GPR89B: variants seen among roughly 807,000 people sequenced by gnomAD.
GPR89B encodes the protein golgi pH regulator B, also known as G protein-coupled receptor 89B.
Under a neutral mutation model 52.4 loss-of-function variants are expected in GPR89B, and 25 were observed. That is an observed-to-expected ratio of 0.48 (90% CI 0.35 to 0.67). GPR89B has a LOEUF of 0.67. Ranked by LOEUF, GPR89B falls within the 30% of genes least tolerant of loss-of-function variation. GPR89B has a pLI of 0.01. For synonymous variants in GPR89B, 52 were observed against 151.2 expected (o/e 0.34, Z 4.81); for missense variants, 146 against 450.2 (o/e 0.32, Z 6.11).
At chr1:147,991,839 T>G (rs1659093427) in intron 12 of GPR89B, among the ~76,000 whole-genome samples, 1 of 152,076 alleles carries the variant, frequency 6.6e-6, no homozygotes. Context: ...TGCCGCTGGA[T>G]TCAGTTTGCC....
downstream of GPR89B, among the ~76,000 whole-genome samples, chr1:147,997,822 T>C (rs1304362090): frequency 1.4e-5 from 2 of 144,082 alleles, no homozygotes; most frequent in Non-Finnish European, 2.9e-5. Context: ...AGCTGTTATA[T>C]GGTCACATAT....
the GPR89B span, among the ~76,000 whole-genome samples, chr1:148,016,424 A>T: frequency 7.8e-5 from 8 of 102,972 alleles, no homozygotes; most frequent in African/African-American, 2.8e-4. Context: ...GAGCAGAAAG[A>T]AAGTTGATGG....
chr1:147,965,830 G>GT (rs1265952239), intron 7 of GPR89B, among the ~76,000 whole-genome samples: 20 of 151,210 alleles, frequency 1.3e-4, no homozygotes, highest in East Asian at 3.9e-4. Flanking sequence ...TATGTTAGCT[G>GT]TTTTTTTTTG....
At chr1:147,943,866 T>C (rs2149044786) in intron 4 of GPR89B, 131 bp from the exon 5 acceptor site, 1 of 653,898 alleles carries the variant, frequency 1.5e-6, no homozygotes, top group Non-Finnish European at 2.6e-6. Context: ...CTAAAAATTA[T>C]GCTGTTCATC....
chr1:147,990,898 G>A (rs2149096790), intron 12 of GPR89B, among the ~76,000 whole-genome samples: 1 of 151,786 alleles, frequency 6.6e-6, no homozygotes, highest in South Asian at 2.1e-4. Context: ...CTCCAGCTTT[G>A]TTCTTTTGGC....
intron 10 of GPR89B, 41 bp from the exon 11 acceptor site, chr1:147,986,158 A>T: frequency 6.2e-7 from 1 of 1,609,802 alleles, no homozygotes; most frequent in East Asian, 2.2e-5. Context: ...ATAGTAAGTG[A>T]TTGTTAAGAT....
the GPR89B span, among the ~76,000 whole-genome samples, chr1:148,017,254 G>A: frequency 4.5e-3 from 688 of 151,352 alleles, 11 homozygotes; most frequent in African/African-American, 0.015. Context: ...GTATTAGCCA[G>A]GATGGTCTCA....
At chr1:147,952,261 A>G (rs1655777591) in intron 5 of GPR89B, among the ~76,000 whole-genome samples, 1 of 152,058 alleles carries the variant, frequency 6.6e-6, no homozygotes, top group Admixed American at 6.6e-5. Context: ...GCAGCAAAAC[A>G]TGGGCACAGG....
rs1306062486 is a variant in GPR89B, at chr1:147,962,421, CT to C, written c.618-4132del. ...CCTGGGTGACAGAGCCAAACTCTGTCTCAAAAAAAAAAAAAAAAGAAAAGAA... is the reference window on the plus strand; with the variant it reads ...CCTGGGTGACAGAGCCAAACTCTGTCCAAAAAAAAAAAAAAAAGAAAAGAA... On this transcript the variant is annotated intron_variant, in intron 7 of 13. Transcript: ENST00000314163. Among the ~76,000 whole-genome samples the C allele has an allele frequency of 5.7e-3, 755 of 132,546 alleles. 13 individuals carry two copies. Among genetic ancestry groups the C allele is most frequent in the African/African-American group, 0.021 (718 of 34,060 alleles). The allele number at this position is 132,546 out of a possible 152,430, so 87.0% of individuals were successfully genotyped here. A position where few individuals can be genotyped will look rare whatever the true frequency, so the allele number is the denominator to read the frequency against.
intron 11 of GPR89B, among the ~76,000 whole-genome samples, 180 bp from the exon 12 acceptor site, chr1:147,988,252 G>T (rs1388776147): frequency 2.0e-5 from 3 of 151,986 alleles, no homozygotes; most frequent in African/African-American, 7.3e-5. Flanking sequence ...ATTTACTGCA[G>T]TCTTTCTGTA....
rs1659217973 is a variant in GPR89B, at chr1:147,993,553, T to A, written c.*636T>A. On this transcript the variant is annotated 3_prime_UTR_variant, in exon 14 of 14. Transcript: ENST00000314163. Reference sequence around the variant, plus strand: ...TCAGTTATGTCATTTTTTCTTGATTTCCTGTGAACTTAGTATTATACCCTA... The same window carrying A: ...TCAGTTATGTCATTTTTTCTTGATTACCTGTGAACTTAGTATTATACCCTA... 5.9e-6 allele frequency: 1 copy of A among 168,920 alleles called. No individual in the cohort carries two copies. The highest frequency in any genetic ancestry group is 2.4e-5 in the African/African-American group (1 of 41,540). The allele number at this position is 168,920 out of a possible 1,614,324, so 10.5% of individuals were successfully genotyped here.
At chr1:148,017,593 C>T in the GPR89B span, among the ~76,000 whole-genome samples, 4 of 149,690 alleles carry the variant, frequency 2.7e-5, no homozygotes, top group African/African-American at 9.9e-5. Flanking sequence ...AAAAAATTAG[C>T]CAGGCGTGGT....
the GPR89B span, among the ~76,000 whole-genome samples, chr1:148,025,416 G>A: frequency 1.3e-5 from 2 of 151,004 alleles, no homozygotes; most frequent in Admixed American, 1.3e-4. Flanking sequence ...CCAGCACATT[G>A]GGAGGCCGAG....
At chr1:147,958,625 C>T (rs1191210659) in intron 7 of GPR89B, among the ~76,000 whole-genome samples, 8 of 145,438 alleles carry the variant, frequency 5.5e-5, no homozygotes, top group East Asian at 2.0e-4. Context: ...GGGGGCAGAA[C>T]GAGACTCTGT....
chr1:147,978,182 C>T (rs1387964630), intron 10 of GPR89B, among the ~76,000 whole-genome samples: 118 of 151,700 alleles, frequency 7.8e-4, no homozygotes, highest in Non-Finnish European at 4.6e-4. Flanking sequence ...TTTGTGGGGT[C>T]TTTTTTTGTT....
chr1:147,928,625 G>A, intron 1 of GPR89B, 47 bp downstream of exon 1: 1 of 1,612,200 alleles, frequency 6.2e-7, no homozygotes, highest in Non-Finnish European at 8.5e-7. Flanking sequence ...TCCCTTCACC[G>A]AATCGCCCTC....
intron 10 of GPR89B, among the ~76,000 whole-genome samples, chr1:147,971,533 G>A (rs1657471000): frequency 7.0e-6 from 1 of 143,382 alleles, no homozygotes; most frequent in Non-Finnish European, 1.5e-5. Context: ...GGAGTGCAGT[G>A]GCATGATCTC....
chr1:147,981,350 A>C (rs1265721190), intron 10 of GPR89B, among the ~76,000 whole-genome samples: 83 of 142,098 alleles, frequency 5.8e-4, no homozygotes, highest in Non-Finnish European at 1.2e-4. Context: ...CACACACACA[A>C]AATTAATAGG....
At chr1:148,002,968 C>T in the GPR89B span, among the ~76,000 whole-genome samples, 19,972 of 152,044 alleles carry the variant, frequency 0.13, 1,706 homozygotes, top group East Asian at 0.33. Context: ...CTTACTCTAA[C>T]GTTGAATTAT....
Sources: gnomAD v4.1 joint callset for allele counts (sites outside exome capture counted in the v4.1 genomes callset) on GRCh38, gnomAD v4.1.1 for gene constraint, MANE v1.5 for transcripts, NCBI Gene and HGNC (gene_info 2026-07-23, HGNC 2026-07-21) for gene names.